TMEM40: variants seen among roughly 807,000 people sequenced by gnomAD.
TMEM40 encodes the protein transmembrane protein 40.
TMEM40 carries 34 observed loss-of-function variants against 40.8 expected under a neutral mutation model. The observed-to-expected ratio is 0.83, with a 90% CI of 0.63 to 1.11. TMEM40 has a LOEUF of 1.11. Ranked by LOEUF, TMEM40 falls within the 50% of genes least tolerant of loss-of-function variation. The pLI is 0.00. For missense variants in TMEM40, 296 were observed against 280.2 expected (o/e 1.06, Z -0.40); for synonymous variants, 106 against 107.0 (o/e 0.99, Z 0.06).
chr3:12,758,286 C>G (rs2106622409), intron 1 of TMEM40, among the ~76,000 whole-genome samples: 1 of 152,296 alleles, frequency 6.6e-6, no homozygotes, highest in African/African-American at 2.4e-5. Flanking sequence ...CACTCCCCAC[C>G]ACTCCCACTA....
chr3:12,745,495 C>G (rs561524561), intron 3 of TMEM40, among the ~76,000 whole-genome samples: 12 of 152,130 alleles, frequency 7.9e-5, no homozygotes, highest in Admixed American at 2.0e-4. Flanking sequence ...GTCATCAAGG[C>G]CGAAGTGCAG....
upstream of TMEM40, among the ~76,000 whole-genome samples, chr3:12,762,534 G>C (rs2061576823): frequency 6.6e-6 from 1 of 152,084 alleles, no homozygotes; most frequent in South Asian, 2.1e-4. Flanking sequence ...CCTACAGAGT[G>C]AGTGTTCAGT....
chr3:12,737,960 C>G lies in TMEM40; in HGVS notation c.424+176G>C, dbSNP rs1384179297. The G allele has an allele frequency of 2.2e-5, 21 of 975,594 alleles. No individual in the cohort carries two copies. The African/African-American group carries it at 3.3e-4, about 15-fold the overall frequency. 60.4% of individuals were successfully genotyped at this position (975,594 alleles called of 1,614,324 possible). ...TCCTCCTCCTTCCTTAGGCCCGAGT[C>G]TGCCTTCCTTTCCATTTCCCCTGCA... is the stretch of plus-strand genomic sequence containing the variant. On this transcript the variant is annotated intron_variant, in intron 7 of 11. Transcript: ENST00000314124.
At chr3:12,748,846 G>C (rs980914204) in intron 2 of TMEM40, 54 bp from the exon 3 acceptor site, 1 of 1,466,264 alleles carries the variant, frequency 6.8e-7, no homozygotes, top group South Asian at 1.2e-5. Flanking sequence ...TCCCACCCCA[G>C]GGACCACCCA....
intron 1 of TMEM40, among the ~76,000 whole-genome samples, chr3:12,757,206 A>G (rs2061535700): frequency 6.6e-6 from 1 of 152,182 alleles, no homozygotes; most frequent in African/African-American, 2.4e-5. Flanking sequence ...GCGGTGGCTC[A>G]TGTCTGTAAT....
At chr3:12,768,588 C>G (rs1008639732) in intron 1 of TMEM40, among the ~76,000 whole-genome samples, 4 of 149,124 alleles carry the variant, frequency 2.7e-5, no homozygotes, top group Non-Finnish European at 4.4e-5. Flanking sequence ...TCCACAAACC[C>G]TGAGCTAGAC....
rs1257423117 is a variant in TMEM40, at chr3:12,743,895, C to T, written c.301+5G>A. The T allele has an allele frequency of 6.2e-7, 1 of 1,613,046 alleles. No individual in the cohort carries two copies. On this transcript the variant is annotated splice_donor_5th_base_variant and intron_variant, in intron 4 of 11. Transcript: ENST00000314124. ...AAAAGAAAAATGGTAAGGCCTATTT[C>T]CTACCGGGTGAGCCGTTCCCGTGGG...
intron 3 of TMEM40, among the ~76,000 whole-genome samples, chr3:12,746,594 G>A (rs2061430725): frequency 6.6e-6 from 1 of 152,170 alleles, no homozygotes. Flanking sequence ...CAGGCTCGGG[G>A]CCTTCTAGGG....
At chr3:12,737,820 C>T in intron 7 of TMEM40, 66 bp from the exon 8 acceptor site, 2 of 1,491,742 alleles carry the variant, frequency 1.3e-6, no homozygotes, top group Non-Finnish European at 1.9e-6. Context: ...TTTTCTTTTC[C>T]CTGCCTCATT....
intron 10 of TMEM40, 137 bp downstream of exon 10, chr3:12,736,441 C>T (rs145438800): frequency 4.0e-5 from 43 of 1,066,398 alleles, no homozygotes; most frequent in East Asian, 2.9e-4. Flanking sequence ...TAAGCCACCG[C>T]GCCTGGCCAG....
chr3:12,762,822 G>A (rs2061578299), upstream of TMEM40, among the ~76,000 whole-genome samples: 1 of 152,170 alleles, frequency 6.6e-6, no homozygotes, highest in Admixed American at 6.5e-5. Context: ...CCTAGAATCT[G>A]TATTTAAATA....
chr3:12,748,006 T>C (rs1050024251), intron 3 of TMEM40, among the ~76,000 whole-genome samples: 1 of 151,960 alleles, frequency 6.6e-6, no homozygotes, highest in Non-Finnish European at 1.5e-5. Context: ...AGGAATGATT[T>C]GCACAAAAAT....
intron 6 of TMEM40, among the ~76,000 whole-genome samples, 169 bp from the exon 7 acceptor site, chr3:12,738,337 G>A (rs964972907): frequency 1.3e-5 from 2 of 152,152 alleles, no homozygotes; most frequent in African/African-American, 2.4e-5. Context: ...AATCTCCTGG[G>A]GTCTTGCTGG....
At chr3:12,760,915 T>A (rs1419309657), upstream of TMEM40, among the ~76,000 whole-genome samples, 1 of 152,212 alleles carries the variant, frequency 6.6e-6, no homozygotes, top group East Asian at 1.9e-4. Flanking sequence ...CTGATTTTTA[T>A]ATTTTTTGTA....
chr3:12,757,400 C>T (rs1278937006), intron 1 of TMEM40, among the ~76,000 whole-genome samples: 1 of 148,726 alleles, frequency 6.7e-6, no homozygotes, highest in Non-Finnish European at 1.5e-5. Flanking sequence ...ACCCAGGAGG[C>T]AGAGGTTGTG....
chr3:12,769,021 G>T (rs936984123), intron 1 of TMEM40, among the ~76,000 whole-genome samples: 4 of 151,932 alleles, frequency 2.6e-5, no homozygotes, highest in Middle Eastern at 3.2e-3. Context: ...TCTCAGGGAG[G>T]CAGCTAAGGC....
Position 12,736,752 on chromosome 3 carries a change from A to T in TMEM40, c.544+12T>A. 6.2e-7 allele frequency: 1 copy of T among 1,613,410 alleles called. No individual in the cohort carries two copies. Among genetic ancestry groups the T allele is most frequent in the Non-Finnish European group, 8.5e-7 (1 of 1,179,822 alleles). On this transcript the variant is annotated intron_variant, in intron 9 of 11. Coordinates refer to ENST00000314124, the MANE Select transcript of TMEM40 (RefSeq NM_018306.4). ...ATCCCCCTTGTGCATTCCCCAGGGCACCTCCCCTCACCTGCGTAATAGTGA... is the reference window on the plus strand; with the variant it reads ...ATCCCCCTTGTGCATTCCCCAGGGCTCCTCCCCTCACCTGCGTAATAGTGA...
chr3:12,739,860 G>T (rs1559525594), intron 5 of TMEM40, among the ~76,000 whole-genome samples: 1 of 151,084 alleles, frequency 6.6e-6, no homozygotes, highest in Non-Finnish European at 1.5e-5. Flanking sequence ...TTCTCTCTCT[G>T]TCATCCAGGT....
rs552054531 is a variant in TMEM40, at chr3:12,737,880, C to T, written c.425-126G>A. 97 of 1,022,474 alleles carry T rather than the reference C, an allele frequency of 9.5e-5. No individual in the cohort carries two copies. In the East Asian group the frequency reaches 2.3e-3, roughly 25 times the overall value. The allele number at this position is 1,022,474 out of a possible 1,614,324, so 63.3% of individuals were successfully genotyped here. Reference sequence around the variant, plus strand: ...TTCCTGGGTCAGAGGGCACTCACTGCAGGACCAGTCAAACTGTGAAGATGG... The same window carrying T: ...TTCCTGGGTCAGAGGGCACTCACTGTAGGACCAGTCAAACTGTGAAGATGG... On this transcript the variant is annotated intron_variant, in intron 7 of 11. Coordinates refer to ENST00000314124, the MANE Select transcript of TMEM40 (RefSeq NM_018306.4).
Sources: gnomAD v4.1 joint callset for allele counts (sites outside exome capture counted in the v4.1 genomes callset) on GRCh38, gnomAD v4.1.1 for gene constraint, MANE v1.5 for transcripts, NCBI Gene and HGNC (gene_info 2026-07-23, HGNC 2026-07-21) for gene names.